ZEB1: variants seen among roughly 807,000 people sequenced by gnomAD.
ZEB1 encodes zinc finger E-box-binding homeobox 1.
A neutral mutation model predicts 84.9 loss-of-function variants in ZEB1; 21 were observed. The observed-to-expected ratio is 0.25, with a 90% CI of 0.18 to 0.36. The LOEUF is 0.36. Among genes scored for constraint, ZEB1 ranks in the 10% least tolerant of loss-of-function variants. The probability of loss-of-function intolerance (pLI) is 1.00; values close to 1 mark genes in which losing one functional copy is unlikely to be tolerated. For synonymous variants in ZEB1, 420 were observed against 471.1 expected, an observed-to-expected ratio of 0.89 and a Z score of 1.41; for missense variants, 1,104 against 1,330.2, an observed-to-expected ratio of 0.83 and a Z score of 2.65.
intron 1 of ZEB1, chr10:31,360,997 C>T (rs2042950022): frequency 6.2e-7 from 1 of 1,607,182 alleles, no homozygotes; most frequent in Admixed American, 1.7e-5. Flanking sequence ...GGAGATGGTA[C>T]AGGCGCTTTA....
intron 1 of ZEB1, among the ~76,000 whole-genome samples, chr10:31,377,115 AT>A (rs547191854): frequency 1.3e-4 from 19 of 147,702 alleles, no homozygotes; most frequent in African/African-American, 3.5e-4. Flanking sequence ...GCAATACAGA[AT>A]TTTTTTTTCA....
intron 2 of ZEB1, among the ~76,000 whole-genome samples, chr10:31,487,290 A>C (rs910355668): frequency 6.6e-6 from 1 of 151,450 alleles, no homozygotes; most frequent in African/African-American, 2.4e-5. Flanking sequence ...AAAAATAATC[A>C]TGCTGAAATT....
chr10:31,459,621 T>C (rs955367236), intron 1 of ZEB1, among the ~76,000 whole-genome samples: 4 of 152,022 alleles, frequency 2.6e-5, no homozygotes. Flanking sequence ...TACTAAAATA[T>C]TAATGGCATA....
chr10:31,332,679 G>C (rs1396128536), intron 1 of ZEB1, among the ~76,000 whole-genome samples: 1 of 152,142 alleles, frequency 6.6e-6, no homozygotes, highest in African/African-American at 2.4e-5. Context: ...AGGTTATGCT[G>C]TATACTACAA....
intron 1 of ZEB1, among the ~76,000 whole-genome samples, chr10:31,430,331 A>G (rs1211713066): frequency 2.6e-5 from 4 of 152,182 alleles, no homozygotes; most frequent in Non-Finnish European, 5.9e-5. Context: ...GGCAGTTTAT[A>G]TAAATTGCTC....
At chr10:31,350,112 G>A (rs1748846594) in intron 1 of ZEB1, among the ~76,000 whole-genome samples, 1 of 151,958 alleles carries the variant, frequency 6.6e-6, no homozygotes, top group African/African-American at 2.4e-5. Context: ...TGAGATGAGG[G>A]TCTAATTTCA....
Position 31,520,444 on chromosome 10 carries a change from TACA to T in ZEB1, c.1114_1116del (p.Gln372del), listed in dbSNP as rs1565201720. ...TCAGGAATCAACTGTTCAACCCCTT[TACA>T]AAATGGGGTTTTCACTGGTGGTGGC... On this transcript the variant is annotated inframe_deletion, in exon 7 of 9. Coordinates refer to ENST00000424869, the MANE Select transcript of ZEB1 (RefSeq NM_001174096.2). The surrounding 1 kb of genome is among the most constrained non-coding windows in gnomAD (Gnocchi z 5.1). 1 of 1,614,030 alleles carries T rather than the reference TACA, an allele frequency of 6.2e-7. No homozygotes were observed. Among genetic ancestry groups the T allele is most frequent in the South Asian group, 1.1e-5 (1 of 91,082 alleles).
At chr10:31,410,549 CTGT>C (rs1327805355) in intron 1 of ZEB1, among the ~76,000 whole-genome samples, 1 of 152,100 alleles carries the variant, frequency 6.6e-6, no homozygotes, top group Non-Finnish European at 1.5e-5. Flanking sequence ...CCCTCTTTTT[CTGT>C]TGTTCGAGAT....
At chr10:31,506,939 A>G (rs1483805522) in intron 4 of ZEB1, among the ~76,000 whole-genome samples, 1 of 151,702 alleles carries the variant, frequency 6.6e-6, no homozygotes, top group African/African-American at 2.4e-5. Flanking sequence ...TTATATTTTC[A>G]TGTGTTTTCA....
intron 1 of ZEB1, among the ~76,000 whole-genome samples, chr10:31,344,224 T>TA (rs1053310409): frequency 6.6e-6 from 1 of 152,086 alleles, no homozygotes; most frequent in Admixed American, 6.6e-5. Flanking sequence ...ATGGGCTTTT[T>TA]AAAATCTCAC....
intron 1 of ZEB1, among the ~76,000 whole-genome samples, chr10:31,364,064 G>A (rs571756850): frequency 2.6e-4 from 39 of 152,310 alleles, no homozygotes; most frequent in African/African-American, 9.4e-4. Context: ...AGTGAGTTGT[G>A]CACAGACGAA....
intron 1 of ZEB1, among the ~76,000 whole-genome samples, chr10:31,406,452 G>GTT (rs151223606): frequency 6.8e-6 from 1 of 146,092 alleles, no homozygotes; most frequent in Non-Finnish European, 1.5e-5. Flanking sequence ...GTGATGATGA[G>GTT]TTTTTTTTTT....
At chr10:31,526,205 A>G (rs1200638157) in intron 8 of ZEB1, among the ~76,000 whole-genome samples, 1 of 152,242 alleles carries the variant, frequency 6.6e-6, no homozygotes, top group Non-Finnish European at 1.5e-5. Flanking sequence ...TTTATCGTAT[A>G]TAAAAAGTGT....
In ZEB1 at chr10:31,502,516, G is replaced by A. The variant is rs1383788049; in HGVS notation, c.484+7G>A. On this transcript the variant is annotated splice_region_variant and intron_variant, in intron 4 of 8. Coordinates refer to ENST00000424869, the MANE Select transcript of ZEB1 (RefSeq NM_001174096.2). Reference sequence around the variant, plus strand: ...AGTGGTCATGATGAAAATGGTAAATGGATCTTAACAGTTGTGTTTCTTTCC... The same window carrying A: ...AGTGGTCATGATGAAAATGGTAAATAGATCTTAACAGTTGTGTTTCTTTCC... 6.2e-7 allele frequency: 1 copy of A among 1,613,608 alleles called. No homozygotes were observed. The highest frequency in any genetic ancestry group is 8.5e-7 in the Non-Finnish European group (1 of 1,179,648).
intron 1 of ZEB1, among the ~76,000 whole-genome samples, chr10:31,436,028 T>TGAAA (rs1291556475): frequency 7.9e-5 from 12 of 152,112 alleles, no homozygotes; most frequent in Non-Finnish European, 1.5e-5. Flanking sequence ...AGCAGAAGCA[T>TGAAA]GAAAGTTCAG....
intron 1 of ZEB1, among the ~76,000 whole-genome samples, chr10:31,447,888 G>A (rs1288377020): frequency 6.6e-6 from 1 of 152,104 alleles, no homozygotes; most frequent in African/African-American, 2.4e-5. Context: ...ACAATTATGT[G>A]TCTTGGAGTT....
chr10:31,343,230 C>T (rs1296137986), intron 1 of ZEB1, among the ~76,000 whole-genome samples: 1 of 152,080 alleles, frequency 6.6e-6, no homozygotes, highest in Non-Finnish European at 1.5e-5. Flanking sequence ...TAGCACTAAA[C>T]TGTAGTTAAC....
At chr10:31,470,131 G>C (rs1228786093) in intron 2 of ZEB1, among the ~76,000 whole-genome samples, 12 of 151,708 alleles carry the variant, frequency 7.9e-5, no homozygotes, top group Non-Finnish European at 1.3e-4. Flanking sequence ...AACAGAAAAA[G>C]TGGAAACTCT....
chr10:31,394,889 G>T (rs1448503574), intron 1 of ZEB1, among the ~76,000 whole-genome samples: 1 of 152,118 alleles, frequency 6.6e-6, no homozygotes, highest in Non-Finnish European at 1.5e-5. Context: ...ATGAAGAGAG[G>T]TGGGTATATA....
Sources: gnomAD v4.1 joint callset for allele counts (sites outside exome capture counted in the v4.1 genomes callset) on GRCh38, gnomAD v4.1.1 for gene constraint, Gnocchi (gnomAD v3.1) non-coding constraint, MANE v1.5 for transcripts, NCBI Gene and HGNC (gene_info 2026-07-23, HGNC 2026-07-21) for gene names.